Variants in ERBB4 observed in about 807,000 individuals in gnomAD.
ERBB4 encodes erb-b2 receptor tyrosine kinase 4, also known as receptor tyrosine-protein kinase erbB-4.
ERBB4 carries 42 observed loss-of-function variants against 158.0 expected under a neutral mutation model. The observed-to-expected ratio is 0.27, with a 90% confidence interval of 0.21 to 0.34. ERBB4 has a LOEUF of 0.34. Ranked by LOEUF, ERBB4 falls within the 10% of genes least tolerant of loss-of-function variation. The pLI, the probability that ERBB4 is intolerant of heterozygous loss-of-function variation, is 1.00. For missense variants in ERBB4, 1,333 were observed against 1,624.1 expected (o/e 0.82, Z 3.08); for synonymous variants, 583 against 558.7 (o/e 1.04, Z -0.61).
At chr2:211,793,983 T>A (rs1371735665) in intron 3 of ERBB4, among the ~76,000 whole-genome samples, 1 of 151,812 alleles carries the variant, frequency 6.6e-6, no homozygotes, top group Non-Finnish European at 1.5e-5. Context: ...TGTAAATGAG[T>A]GACGTAACCT....
chr2:211,540,739 T>G (rs554614850), intron 20 of ERBB4, among the ~76,000 whole-genome samples: 2 of 151,402 alleles, frequency 1.3e-5, no homozygotes, highest in Admixed American at 1.3e-4. Context: ...AGAAATATTT[T>G]TTTTTCCAAA....
At chr2:211,974,188 G>C (rs2081540531) in intron 2 of ERBB4, among the ~76,000 whole-genome samples, 1 of 152,066 alleles carries the variant, frequency 6.6e-6, no homozygotes, top group Non-Finnish European at 1.5e-5. Context: ...CATGACAAAA[G>C]TTTACCTATG....
chr2:212,294,082 C>A (rs962848640), intron 1 of ERBB4, among the ~76,000 whole-genome samples: 6 of 152,030 alleles, frequency 3.9e-5, no homozygotes, highest in African/African-American at 1.4e-4. Context: ...TAATCTCTTG[C>A]ATTTACTGTT....
chr2:211,596,316 T>A (rs1230306001), intron 19 of ERBB4, among the ~76,000 whole-genome samples: 1 of 152,108 alleles, frequency 6.6e-6, no homozygotes, highest in Non-Finnish European at 1.5e-5. Context: ...TGAAATGGTG[T>A]TTTATTTTCA....
chr2:211,875,916 C>T (rs2078487097), intron 3 of ERBB4, among the ~76,000 whole-genome samples: 1 of 152,222 alleles, frequency 6.6e-6, no homozygotes, highest in African/African-American at 2.4e-5. Flanking sequence ...ACAGGCTAGA[C>T]CATATAGCCC....
intron 1 of ERBB4, among the ~76,000 whole-genome samples, chr2:212,362,296 G>C (rs955972234): frequency 1.3e-5 from 2 of 151,312 alleles, no homozygotes; most frequent in Non-Finnish European, 3.0e-5. Flanking sequence ...ATTTAAAAAG[G>C]AATGGCCAAA....
chr2:211,812,559 C>A (rs1459877842), intron 3 of ERBB4, among the ~76,000 whole-genome samples: 1 of 152,192 alleles, frequency 6.6e-6, no homozygotes, highest in Non-Finnish European at 1.5e-5. Flanking sequence ...CTGGAAGAAC[C>A]ACTGCTCTCC....
chr2:212,151,153 C>T (rs2080854776), intron 1 of ERBB4, among the ~76,000 whole-genome samples: 1 of 151,802 alleles, frequency 6.6e-6, no homozygotes, highest in Non-Finnish European at 1.5e-5. Context: ...ATCTTTTCCC[C>T]TCACTAAAAA....
intron 14 of ERBB4, among the ~76,000 whole-genome samples, chr2:211,672,879 C>A (rs370339580): frequency 6.6e-6 from 1 of 152,088 alleles, no homozygotes; most frequent in African/African-American, 2.4e-5. Context: ...ATGCTTCAAT[C>A]TAATTATTCT....
At chr2:211,834,080 A>G (rs901298684) in intron 3 of ERBB4, among the ~76,000 whole-genome samples, 10 of 152,138 alleles carry the variant, frequency 6.6e-5, no homozygotes, top group African/African-American at 2.4e-4. Context: ...GCAATTTGCT[A>G]CCATGTCAGT....
At chr2:211,561,829 A>G in intron 20 of ERBB4, 74 bp downstream of exon 20, 1 of 1,266,630 alleles carries the variant, frequency 7.9e-7, no homozygotes, top group Non-Finnish European at 1.2e-6. Flanking sequence ...ACATATTTTC[A>G]ATATGAAAAC....
intron 1 of ERBB4, among the ~76,000 whole-genome samples, chr2:212,520,231 T>C (rs979125): frequency 0.21 from 32,574 of 151,768 alleles, 3,972 homozygotes; most frequent in African/African-American, 0.34. Context: ...ATCAGTTGTA[T>C]TGATTTTAAT....
intron 1 of ERBB4, among the ~76,000 whole-genome samples, chr2:212,234,103 G>A (rs1322537466): frequency 2.0e-5 from 3 of 151,832 alleles, no homozygotes; most frequent in Non-Finnish European, 2.9e-5. Context: ...ACCTACATTA[G>A]GTATTTCTTC....
At chr2:212,013,121 A>G (rs1057403152) in intron 2 of ERBB4, among the ~76,000 whole-genome samples, 1 of 149,296 alleles carries the variant, frequency 6.7e-6, no homozygotes, top group Admixed American at 6.7e-5. Flanking sequence ...CAGTGGCATG[A>G]TCTCAGCTCA....
chr2:212,325,842 GACAA>G (rs1213579946), intron 1 of ERBB4, among the ~76,000 whole-genome samples: 6 of 150,466 alleles, frequency 4.0e-5, no homozygotes, highest in African/African-American at 1.5e-4. Context: ...GGTGTATACT[GACAA>G]ACAAATATAG....
At chr2:212,068,757 A>G (rs2078018429) in intron 2 of ERBB4, among the ~76,000 whole-genome samples, 1 of 152,080 alleles carries the variant, frequency 6.6e-6, no homozygotes, top group African/African-American at 2.4e-5. Flanking sequence ...TACTGATTCT[A>G]TTTCATGGAA....
chr2:211,634,729 G>A (rs192869090), intron 16 of ERBB4, among the ~76,000 whole-genome samples: 116 of 152,230 alleles, frequency 7.6e-4, no homozygotes, highest in African/African-American at 2.7e-3. Flanking sequence ...CCAGGCTGGA[G>A]TGCAGTGGTG....
At chr2:212,081,745 C>T (rs975392661) in intron 2 of ERBB4, among the ~76,000 whole-genome samples, 6 of 152,160 alleles carry the variant, frequency 3.9e-5, no homozygotes, top group African/African-American at 1.4e-4. Flanking sequence ...TAAACATTTG[C>T]CCCCTTTGTG....
chr2:211,458,920 A>T (rs1015282263), intron 20 of ERBB4, among the ~76,000 whole-genome samples: 3 of 152,194 alleles, frequency 2.0e-5, no homozygotes, highest in Non-Finnish European at 4.4e-5. Context: ...AATGGTATTG[A>T]TTCAACCAAA....
Sources: allele counts gnomAD v4.1 joint callset (sites outside exome capture counted in the v4.1 genomes callset), GRCh38; gene constraint gnomAD v4.1.1; transcripts MANE v1.5; gene names NCBI Gene and HGNC (gene_info 2026-07-23, HGNC 2026-07-21).